The following KLHL28 variants were observed in gnomAD, a reference collection of about 807,000 sequenced individuals.
The protein encoded by KLHL28 is kelch-like protein 28.
Under a neutral mutation model 48.3 loss-of-function variants are expected in KLHL28, and 22 were observed. The ratio of observed to expected loss-of-function variants is 0.46; its 90% confidence interval spans 0.33 to 0.65. KLHL28 has a LOEUF of 0.65. Ranked by LOEUF, KLHL28 falls within the 30% of genes least tolerant of loss-of-function variation. The pLI is 0.03. For synonymous variants in KLHL28, 243 were observed against 242.4 expected (o/e 1.00, Z -0.02); for missense variants, 527 against 704.3 (o/e 0.75, Z 2.85).
At position 44,926,949 on chromosome 14, in the gene KLHL28, GA is replaced by G. The variant is rs1198652025; in HGVS notation, c.*2078del. 1.3e-5 allele frequency: 2 copies of G among 152,612 alleles called. No homozygotes were observed. The highest frequency in any genetic ancestry group is 2.9e-5 in the Non-Finnish European group (2 of 68,012). 9.5% of individuals were successfully genotyped at this position (152,612 alleles called of 1,614,324 possible). A position where few individuals can be genotyped will look rare whatever the true frequency, so the allele number is the denominator to read the frequency against. On this transcript the variant is annotated 3_prime_UTR_variant, in exon 5 of 5. Transcript: ENST00000396128. The stretch of plus-strand genomic sequence containing the variant: ...GGGGATTTAAAACTAAATATGTGAT[GA>G]ATCTATTTTAAACTGCTTTTCTTTA...
chr14:44,936,951 T>C (rs1345673978), intron 2 of KLHL28, among the ~76,000 whole-genome samples: 3 of 151,978 alleles, frequency 2.0e-5, no homozygotes, highest in Non-Finnish European at 4.4e-5. Flanking sequence ...CTGAAAGAAA[T>C]AAGCTGGCAA....
In KLHL28 at chr14:44,947,771, A is replaced by C. The variant is rs542186296; in HGVS notation, c.1-1843T>G. Among the ~76,000 whole-genome samples the C allele has an allele frequency of 1.2e-4, 19 of 152,308 alleles. 3 individuals carry two copies. The highest frequency in any genetic ancestry group is 3.8e-4 in the African/African-American group (16 of 41,568). On this transcript the variant is annotated intron_variant, in intron 1 of 4. Transcript: ENST00000396128. Reference sequence around the variant, plus strand: ...TCATACTTATTTCACAATGAATTTTAAGTCAGTTAATAAATTATGTTAATA... The same window carrying C: ...TCATACTTATTTCACAATGAATTTTCAGTCAGTTAATAAATTATGTTAATA...
At chr14:44,943,161 A>G (rs546376344) in intron 2 of KLHL28, among the ~76,000 whole-genome samples, 2 of 152,360 alleles carry the variant, frequency 1.3e-5, no homozygotes, top group African/African-American at 4.8e-5. Context: ...AGTTGAGAAA[A>G]TAAGAGGCAA....
intron 1 of KLHL28, among the ~76,000 whole-genome samples, chr14:44,958,736 G>A (rs1566580992): frequency 6.6e-6 from 1 of 152,044 alleles, no homozygotes; most frequent in Non-Finnish European, 1.5e-5. Context: ...AGGCGTCTAA[G>A]TTACATAATT....
rs573887331 is a variant in KLHL28, at chr14:44,926,620, C to A, written c.*2408G>T. On this transcript the variant is annotated 3_prime_UTR_variant, in exon 5 of 5. Coordinates refer to ENST00000396128, the MANE Select transcript of KLHL28 (RefSeq NM_017658.5). ...CTCCTGGGTTCAAGTGATTCTCCTG[C>A]CTCAGCCTCCCAAGTAGCTGGGATT... 6 of 152,084 alleles carry A rather than the reference C, an allele frequency of 3.9e-5. No individual in the cohort carries two copies. In the East Asian group the frequency reaches 1.2e-3, roughly 29 times the overall value. 9.4% of individuals were successfully genotyped at this position (152,084 alleles called of 1,614,324 possible).
chr14:44,934,600 G>C, intron 2 of KLHL28, 42 bp from the exon 3 acceptor site: 1 of 1,424,626 alleles, frequency 7.0e-7, no homozygotes, highest in Non-Finnish European at 9.4e-7. Context: ...AAAAACCAAA[G>C]TGGCCCATAA....
In KLHL28 at chr14:44,928,813, T is replaced by C. The variant is rs1038064414; in HGVS notation, c.*215A>G. 1.8e-5 allele frequency: 7 copies of C among 398,604 alleles called. No individual in the cohort carries two copies. The highest frequency in any genetic ancestry group is 2.7e-5 in the Non-Finnish European group (6 of 224,456). 24.7% of individuals were successfully genotyped at this position (398,604 alleles called of 1,614,324 possible). ...TTGGCAAAGTCTTTACTTTTTTTTT[T>C]TCTCTTTTTTCTTTTTGATTATTGA... On this transcript the variant is annotated 3_prime_UTR_variant, in exon 5 of 5. Transcript: ENST00000396128.
At chr14:44,955,055 T>TA (rs990889099) in intron 1 of KLHL28, among the ~76,000 whole-genome samples, 1 of 152,076 alleles carries the variant, frequency 6.6e-6, no homozygotes, top group African/African-American at 2.4e-5. Context: ...AGCAAATGAG[T>TA]AATGATATGA....
intron 3 of KLHL28, among the ~76,000 whole-genome samples, chr14:44,932,957 G>C (rs887731383): frequency 6.6e-6 from 1 of 152,096 alleles, no homozygotes; most frequent in Non-Finnish European, 1.5e-5. Context: ...TATTTGTAGA[G>C]GATTGGTTCC....
chr14:44,931,430 A>G lies in KLHL28; in HGVS notation c.1455T>C (p.Gly485=). 6.2e-7 allele frequency: 1 copy of G among 1,613,992 alleles called. No individual in the cohort carries two copies. Among genetic ancestry groups the G allele is most frequent in the Non-Finnish European group, 8.5e-7 (1 of 1,179,910 alleles). The change falls in exon 4 of 5, where the codon GGT becomes GGC. Residue 485 remains glycine (G), a synonymous_variant. Coordinates refer to ENST00000396128, the MANE Select transcript of KLHL28 (RefSeq NM_017658.5). ...ACAAATGTGAGACTCCATTATGTCC[A>G]CCCACCACAAAAATAAAGCCTAGCA... ...GVMLGFIFVV[G]GHNGVSHLSS...
At chr14:44,955,483 G>A (rs1034359445) in intron 1 of KLHL28, among the ~76,000 whole-genome samples, 5 of 152,066 alleles carry the variant, frequency 3.3e-5, no homozygotes, top group African/African-American at 1.2e-4. Flanking sequence ...GGCAGAAGAT[G>A]TCAAGACACA....
chr14:44,926,618 T>C lies in KLHL28; in HGVS notation c.*2410A>G, dbSNP rs1883380661. On this transcript the variant is annotated 3_prime_UTR_variant, in exon 5 of 5. Coordinates refer to ENST00000396128, the MANE Select transcript of KLHL28 (RefSeq NM_017658.5). ...GCCTCCTGGGTTCAAGTGATTCTCC[T>C]GCCTCAGCCTCCCAAGTAGCTGGGA... 1 of 152,226 alleles carries C rather than the reference T, an allele frequency of 6.6e-6. No homozygotes were observed. Among genetic ancestry groups the C allele is most frequent in the Non-Finnish European group, 1.5e-5 (1 of 68,106 alleles). The allele number at this position is 152,226 out of a possible 1,614,324, so 9.4% of individuals were successfully genotyped here.
At chr14:44,958,263 A>G (rs754370733) in intron 1 of KLHL28, among the ~76,000 whole-genome samples, 1 of 151,994 alleles carries the variant, frequency 6.6e-6, no homozygotes, top group African/African-American at 2.4e-5. Flanking sequence ...TTTTGTACCT[A>G]TCTACTTAAT....
intron 2 of KLHL28, among the ~76,000 whole-genome samples, chr14:44,941,315 G>A (rs545995670): frequency 6.6e-6 from 1 of 152,122 alleles, no homozygotes; most frequent in South Asian, 2.1e-4. Flanking sequence ...TGTATCTACA[G>A]CATTTCTACA....
Position 44,943,585 on chromosome 14 carries a change from AG to A in KLHL28, c.899+1444del, listed in dbSNP as rs1225128757. On this transcript the variant is annotated intron_variant, in intron 2 of 4. Transcript: ENST00000396128. ...GGCAGGAAAATCACTTGAACCTGGG[AG>A]GCGGAGGTTGCAGTGAGCTGAGATT... Among the ~76,000 whole-genome samples, 7 of 152,302 alleles carry A rather than the reference AG, an allele frequency of 4.6e-5. 1 individual carries two copies. The highest frequency in any genetic ancestry group is 1.7e-4 in the African/African-American group (7 of 41,576).
chr14:44,943,294 G>A (rs532795424), intron 2 of KLHL28, among the ~76,000 whole-genome samples: 5 of 152,266 alleles, frequency 3.3e-5, no homozygotes, highest in African/African-American at 4.8e-5. Flanking sequence ...CAATCAATTC[G>A]TGTAGCTAAC....
rs1185822221 is a variant in KLHL28 at position 44,924,981 on chromosome 14, C to T, written c.*4047G>A. 1.3e-5 allele frequency: 2 copies of T among 152,490 alleles called. No homozygotes were observed. Among genetic ancestry groups the T allele is most frequent in the Non-Finnish European group, 2.9e-5 (2 of 67,964 alleles). The allele number at this position is 152,490 out of a possible 1,614,324, so 9.4% of individuals were successfully genotyped here. ...CTCACTCTTTTCAAATGTGTATCAA[C>T]ACCAAATCAATGTACTGTAAGTGAA... On this transcript the variant is annotated 3_prime_UTR_variant, in exon 5 of 5. Transcript: ENST00000396128.
intron 2 of KLHL28, among the ~76,000 whole-genome samples, chr14:44,935,245 C>T (rs1010773667): frequency 1.3e-5 from 2 of 152,106 alleles, no homozygotes; most frequent in Non-Finnish European, 2.9e-5. Flanking sequence ...AGTTCAAAAA[C>T]AGGTAAAACG....
At chr14:44,947,693 G>A (rs1218650270) in intron 1 of KLHL28, among the ~76,000 whole-genome samples, 1 of 152,094 alleles carries the variant, frequency 6.6e-6, no homozygotes, top group Non-Finnish European at 1.5e-5. Context: ...ACATTTTTAA[G>A]TGGAAAAAAT....
Sources: gnomAD v4.1 joint callset for allele counts (sites outside exome capture counted in the v4.1 genomes callset) on GRCh38, gnomAD v4.1.1 for gene constraint, MANE v1.5 for transcripts, NCBI Gene and HGNC (gene_info 2026-07-23, HGNC 2026-07-21) for gene names.